The following CSMD1 variants were observed in gnomAD, a reference collection of about 807,000 sequenced individuals.
CSMD1 encodes the protein CUB and Sushi multiple domains 1.
CSMD1 carries 213 observed loss-of-function variants against 417.5 expected under a neutral mutation model. The observed-to-expected ratio is 0.51, with a 90% CI of 0.46 to 0.57. The LOEUF (loss-of-function observed/expected upper bound fraction) is 0.57, where lower values mean the gene tolerates loss of function less well. Ranked by LOEUF, CSMD1 falls within the 20% of genes least tolerant of loss-of-function variation. The pLI, the probability that CSMD1 is intolerant of heterozygous loss-of-function variation, is 0.00. For synonymous variants in CSMD1, 2,862 were observed against 1,736.8 expected, an observed-to-expected ratio of 1.65 and a Z score of -16.11; for missense variants, 6,923 against 4,529.7, an observed-to-expected ratio of 1.53 and a Z score of -15.17.
rs185647376 is a variant in CSMD1, at chr8:4,737,584, C to T, written c.86-100026G>A. On this transcript the variant is annotated intron_variant, in intron 1 of 69. Coordinates refer to ENST00000635120, the MANE Select transcript of CSMD1 (RefSeq NM_033225.6). ...GGAAGTTATTGCCAGCAAAGACTCA[C>T]CTTCTTCATCTCTATCTTTATACTA... Among the ~76,000 whole-genome samples, 113 of 152,228 alleles carry T rather than the reference C, an allele frequency of 7.4e-4. 1 individual carries two copies. The highest frequency in any genetic ancestry group is 6.6e-4 in the Non-Finnish European group (45 of 68,002).
chr8:3,039,406 TC>T lies in CSMD1; in HGVS notation c.7661-9894del, dbSNP rs1810927912. On this transcript the variant is annotated intron_variant, in intron 50 of 69. Coordinates refer to ENST00000635120, the MANE Select transcript of CSMD1 (RefSeq NM_033225.6). Reference sequence around the variant, plus strand: ...TTCCTTCCTTCCCCCTTCCCTTCCTTCCTTCTCTCCCTCCCTCCCTTCCTTC... The same window carrying T: ...TTCCTTCCTTCCCCCTTCCCTTCCTTCTTCTCTCCCTCCCTCCCTTCCTTC... Among the ~76,000 whole-genome samples, 7 of 145,056 alleles carry T rather than the reference TC, an allele frequency of 4.8e-5. 1 individual carries two copies. In the South Asian group the frequency reaches 1.7e-3, roughly 34 times the overall value.
At chr8:3,499,089 G>T (rs915556782) in intron 10 of CSMD1, among the ~76,000 whole-genome samples, 10 of 152,132 alleles carry the variant, frequency 6.6e-5, no homozygotes, top group African/African-American at 1.4e-4. Context: ...TCCTACATTA[G>T]TATCTATACA....
At chr8:4,905,836 AAAAAAAG>A (rs1805231426) in intron 1 of CSMD1, among the ~76,000 whole-genome samples, 2 of 140,146 alleles carry the variant, frequency 1.4e-5, no homozygotes, top group African/African-American at 5.9e-5. Flanking sequence ...AAAAAAAAAG[AAAAAAAG>A]AAAAAGTAAA....
chr8:4,355,838 G>T (rs997701663), intron 3 of CSMD1, among the ~76,000 whole-genome samples: 1 of 152,216 alleles, frequency 6.6e-6, no homozygotes, highest in Non-Finnish European at 1.5e-5. Context: ...ATTCCAGGCC[G>T]AAAGTAGAGG....
chr8:3,944,044 T>G (rs1387089298), intron 5 of CSMD1, among the ~76,000 whole-genome samples: 4 of 152,162 alleles, frequency 2.6e-5, no homozygotes, highest in African/African-American at 9.6e-5. Flanking sequence ...AAAGAACATG[T>G]TCTTGTTTTT....
intron 18 of CSMD1, among the ~76,000 whole-genome samples, chr8:3,372,775 G>C (rs1420960599): frequency 6.6e-6 from 1 of 152,138 alleles, no homozygotes. Flanking sequence ...GGTTACATAG[G>C]TCTGGAGGCC....
At chr8:3,851,580 A>G (rs946358326) in intron 5 of CSMD1, among the ~76,000 whole-genome samples, 6 of 152,224 alleles carry the variant, frequency 3.9e-5, no homozygotes, top group South Asian at 2.1e-4. Context: ...GCTGCAGGCC[A>G]AGGGAGGGCA....
chr8:3,368,010 G>A (rs748552059), intron 19 of CSMD1, among the ~76,000 whole-genome samples: 16 of 152,116 alleles, frequency 1.1e-4, no homozygotes, highest in Admixed American at 3.3e-4. Flanking sequence ...TTAGATGCCC[G>A]TAAAGCATAT....
At chr8:4,378,143 A>G (rs1373927689) in intron 3 of CSMD1, among the ~76,000 whole-genome samples, 1 of 152,230 alleles carries the variant, frequency 6.6e-6, no homozygotes, top group East Asian at 1.9e-4. Context: ...TACATGCTTC[A>G]ATATTTCCAT....
chr8:3,206,554 T>G (rs1223029699), intron 30 of CSMD1, among the ~76,000 whole-genome samples: 2 of 82,026 alleles, frequency 2.4e-5, no homozygotes, highest in Non-Finnish European at 5.4e-5. Context: ...GGAGGTTATG[T>G]CTGTGTGTGT....
chr8:4,070,582 CT>C (rs1371199177), intron 3 of CSMD1, among the ~76,000 whole-genome samples: 6 of 152,146 alleles, frequency 3.9e-5, no homozygotes, highest in Admixed American at 6.5e-5. Flanking sequence ...TGGTCTCGTT[CT>C]CCTGACCTCG....
At chr8:3,793,552 C>G (rs1799870230) in intron 5 of CSMD1, among the ~76,000 whole-genome samples, 1 of 151,618 alleles carries the variant, frequency 6.6e-6, no homozygotes, top group Non-Finnish European at 1.5e-5. Flanking sequence ...ACATGACACC[C>G]CCTCCTCCAA....
intron 1 of CSMD1, among the ~76,000 whole-genome samples, chr8:4,641,460 C>T (rs1299783434): frequency 6.6e-6 from 1 of 152,126 alleles, no homozygotes; most frequent in Non-Finnish European, 1.5e-5. Context: ...CTGTCTTATA[C>T]TGTTGGACTG....
intron 1 of CSMD1, among the ~76,000 whole-genome samples, chr8:4,700,710 C>A (rs1000205513): frequency 1.3e-5 from 2 of 152,002 alleles, no homozygotes; most frequent in Non-Finnish European, 2.9e-5. Flanking sequence ...CAGAAACTCA[C>A]AAAATTATAT....
At chr8:4,888,076 A>G (rs950248473) in intron 1 of CSMD1, among the ~76,000 whole-genome samples, 4 of 152,050 alleles carry the variant, frequency 2.6e-5, no homozygotes, top group African/African-American at 9.7e-5. Context: ...TAAACTTTCA[A>G]CAATGTAAAA....
At chr8:4,362,552 G>T (rs1490003352) in intron 3 of CSMD1, among the ~76,000 whole-genome samples, 1 of 152,172 alleles carries the variant, frequency 6.6e-6, no homozygotes, top group Admixed American at 6.5e-5. Context: ...TTTATTGTGG[G>T]AAGTGGATAA....
chr8:3,562,596 G>C (rs1252110474), intron 10 of CSMD1, among the ~76,000 whole-genome samples: 2 of 151,734 alleles, frequency 1.3e-5, no homozygotes, highest in African/African-American at 4.8e-5. Context: ...TTTTAACTCA[G>C]TAAAATTTTA....
intron 1 of CSMD1, among the ~76,000 whole-genome samples, chr8:4,660,122 A>G (rs1804499429): frequency 6.6e-6 from 1 of 151,568 alleles, no homozygotes. Context: ...TGCAAAAAAA[A>G]AAAAAAAGGA....
At chr8:4,934,618 A>T (rs1807473110) in intron 1 of CSMD1, among the ~76,000 whole-genome samples, 1 of 149,858 alleles carries the variant, frequency 6.7e-6, no homozygotes, top group Non-Finnish European at 1.5e-5. Flanking sequence ...TTTATTTTTC[A>T]CTTATCTACC....
Sources: allele counts gnomAD v4.1 joint callset (sites outside exome capture counted in the v4.1 genomes callset), GRCh38; gene constraint gnomAD v4.1.1; transcripts MANE v1.5; gene names NCBI Gene and HGNC (gene_info 2026-07-23, HGNC 2026-07-21).